Variants in PCDHGC3 observed in about 807,000 individuals in gnomAD.
PCDHGC3 encodes protocadherin gamma-C3.
PCDHGC3 carries 26 observed loss-of-function variants against 59.2 expected under a neutral mutation model. That is an observed-to-expected ratio of 0.44 (90% CI 0.32 to 0.61). PCDHGC3 has a LOEUF of 0.61. Ranked by LOEUF, PCDHGC3 falls within the 20% of genes least tolerant of loss-of-function variation. PCDHGC3 has a pLI of 0.05. For synonymous variants in PCDHGC3, 487 were observed against 519.7 expected, an observed-to-expected ratio of 0.94 and a Z score of 0.86; for missense variants, 1,080 against 1,221.8, an observed-to-expected ratio of 0.88 and a Z score of 1.73.
chr5:141,492,220 C>T (rs1388948434), intron 1 of PCDHGC3, among the ~76,000 whole-genome samples: 2 of 152,190 alleles, frequency 1.3e-5, no homozygotes, highest in Non-Finnish European at 1.5e-5. Context: ...GGGGCTCATG[C>T]GTGTCCTCCC....
At position 141,487,447 on chromosome 5, in the gene PCDHGC3, C is replaced by A. The variant is rs758411138; in HGVS notation, c.2431-7360C>A. 4.3e-6 allele frequency: 7 copies of A among 1,614,182 alleles called. No homozygotes were observed. The highest frequency in any genetic ancestry group is 5.9e-6 in the Non-Finnish European group (7 of 1,180,028). Reference sequence around the variant, plus strand: ...TCCGAATCCAGCTAGGGTCAGATGACCCTATCAAGTTTGTTGATGTGGGAG... The same window carrying A: ...TCCGAATCCAGCTAGGGTCAGATGAACCTATCAAGTTTGTTGATGTGGGAG... On this transcript the variant is annotated intron_variant, in intron 1 of 3. Coordinates refer to ENST00000308177, the MANE Select transcript of PCDHGC3 (RefSeq NM_002588.4). The surrounding 1 kb of genome is among the most constrained non-coding windows in gnomAD (Gnocchi z 5.0).
At chr5:141,494,937 G>A (rs759078748) in intron 2 of PCDHGC3, 72 bp downstream of exon 2, 130 of 1,612,276 alleles carry the variant, frequency 8.1e-5, no homozygotes, top group Non-Finnish European at 1.1e-4. Context: ...GAGGAGATGG[G>A]GGAGGGCCCA....
At chr5:141,505,202 T>C (rs778935321) in intron 2 of PCDHGC3, among the ~76,000 whole-genome samples, 191 bp from the exon 3 acceptor site, 3 of 152,012 alleles carry the variant, frequency 2.0e-5, no homozygotes, top group Non-Finnish European at 4.4e-5. Flanking sequence ...AAAGAGCTGG[T>C]TTGAGGGACT....
At chr5:141,492,168 A>C (rs1426223836) in intron 1 of PCDHGC3, among the ~76,000 whole-genome samples, 1 of 152,108 alleles carries the variant, frequency 6.6e-6, no homozygotes, top group African/African-American at 2.4e-5. Context: ...CTATCCCCGC[A>C]TCACCCAACC....
Position 141,485,757 on chromosome 5 carries a change from T to A in PCDHGC3, c.2430+7211T>A. The A allele has an allele frequency of 6.2e-7, 1 of 1,614,174 alleles. No homozygotes were observed. The highest frequency in any genetic ancestry group is 8.5e-7 in the Non-Finnish European group (1 of 1,180,028). The stretch of plus-strand genomic sequence containing the variant: ...GACGGCAGCCTGGTCCCAGAGCTGC[T>A]CCTGGAGAAGCCTTTGGATCGAGAG... On this transcript the variant is annotated intron_variant, in intron 1 of 3. Transcript: ENST00000308177. The surrounding 1 kb of genome is among the most constrained non-coding windows in gnomAD (Gnocchi z 5.7).
At chr5:141,483,737 G>A (rs1052778197) in intron 1 of PCDHGC3, among the ~76,000 whole-genome samples, 4 of 152,102 alleles carry the variant, frequency 2.6e-5, no homozygotes, top group South Asian at 2.1e-4. Context: ...TAGTCAAAAG[G>A]ATATTCCTGA....
chr5:141,480,457 G>GT (rs1309116577), intron 1 of PCDHGC3, among the ~76,000 whole-genome samples: 4 of 152,060 alleles, frequency 2.6e-5, no homozygotes, highest in Non-Finnish European at 5.9e-5. Flanking sequence ...ATTTTTATTA[G>GT]TTCCTCACTC....
rs535194185 is a variant in PCDHGC3, at chr5:141,485,480, A to C, written c.2430+6934A>C. 6.2e-7 allele frequency: 1 copy of C among 1,614,154 alleles called. No individual in the cohort carries two copies. The highest frequency in any genetic ancestry group is 1.7e-5 in the Admixed American group (1 of 60,020). On this transcript the variant is annotated intron_variant, in intron 1 of 3. Coordinates refer to ENST00000308177, the MANE Select transcript of PCDHGC3 (RefSeq NM_002588.4). This position sits in a 1 kb window ranked among gnomAD's most constrained non-coding sequence, Gnocchi z 5.7. The stretch of plus-strand genomic sequence containing the variant: ...ACTGTGTGGGCTCAGTGCCAGCTGC[A>C]TCGTGCCCCTGGAGTTTGTCACCGA...
chr5:141,501,419 C>A (rs910783867), intron 2 of PCDHGC3, among the ~76,000 whole-genome samples: 1 of 151,920 alleles, frequency 6.6e-6, no homozygotes, highest in Non-Finnish European at 1.5e-5. Flanking sequence ...AAATAGTTGA[C>A]TAAATGTAGT....
intron 1 of PCDHGC3, chr5:141,492,046 AC>A (rs955983612): frequency 2.0e-6 from 1 of 494,316 alleles, no homozygotes; most frequent in African/African-American, 2.0e-5. Context: ...TCACAGATCC[AC>A]CCCTGCAGCC....
chr5:141,494,674 C>A lies in PCDHGC3; in HGVS notation c.2431-133C>A, dbSNP rs532644387. ...ATTTTGTCTTTGGAGATGAGTCCAC[C>A]CCTGCCCCCTCTTAGTCCGTTTTCT... is the stretch of plus-strand genomic sequence containing the variant. On this transcript the variant is annotated intron_variant, in intron 1 of 3. Transcript: ENST00000308177. 3.4e-5 allele frequency: 53 copies of A among 1,545,802 alleles called. No homozygotes were observed. In the African/African-American group the frequency reaches 6.5e-4, roughly 19 times the overall value.
intron 1 of PCDHGC3, among the ~76,000 whole-genome samples, chr5:141,481,913 C>CAAAA (rs34114744): frequency 1.1e-5 from 1 of 90,846 alleles, no homozygotes; most frequent in African/African-American, 4.2e-5. Context: ...AACTCCATCT[C>CAAAA]AAAAAAAAAA....
Position 141,487,568 on chromosome 5 carries a change from C to G in PCDHGC3, c.2431-7239C>G, listed in dbSNP as rs752378906. The G allele has an allele frequency of 1.9e-6, 3 of 1,614,180 alleles. No homozygotes were observed. Among genetic ancestry groups the G allele is most frequent in the Non-Finnish European group, 2.5e-6 (3 of 1,180,042 alleles). ...ACCCAGTGCACCTATGGCAGGGGAG[C>G]CTGTTCGCCCAAGCTGCCCACCCTC... On this transcript the variant is annotated intron_variant, in intron 1 of 3. Transcript: ENST00000308177. This position sits in a 1 kb window ranked among gnomAD's most constrained non-coding sequence, Gnocchi z 5.0.
Position 141,477,447 on chromosome 5 carries a change from G to T in PCDHGC3, c.1331G>T (p.Arg444Leu), listed in dbSNP as rs779097830. The T allele has an allele frequency of 6.2e-7, 1 of 1,614,098 alleles. No homozygotes were observed. Among genetic ancestry groups the T allele is most frequent in the Non-Finnish European group, 8.5e-7 (1 of 1,180,016 alleles). The part of the protein sequence containing the change: ...TPSLSALTIV[R>L]VQVSDINDNP... ...TCCCTCTCAGCCCTTACAATAGTGCGTGTTCAAGTGTCCGACATCAATGAC... is the reference window on the plus strand; with the variant it reads ...TCCCTCTCAGCCCTTACAATAGTGCTTGTTCAAGTGTCCGACATCAATGAC... Residue 444 changes from arginine (R) to leucine (L), a missense_variant, in exon 1 of 4, where the codon CGT (arginine) becomes CTT (leucine). Physicochemically the swap from Arg to Leu is moderately radical, Grantham distance 102. Coordinates refer to ENST00000308177, the MANE Select transcript of PCDHGC3 (RefSeq NM_002588.4). This position sits in a 1 kb window ranked among gnomAD's most constrained non-coding sequence, Gnocchi z 4.9.
At position 141,489,870 on chromosome 5, in the gene PCDHGC3, G is replaced by T; in HGVS notation, c.2431-4937G>T. On this transcript the variant is annotated intron_variant, in intron 1 of 3. Transcript: ENST00000308177. The surrounding 1 kb of genome is among the most constrained non-coding windows in gnomAD (Gnocchi z 4.5). ...GTGAAGCCCAGGCAAGACATCAGCT[G>T]GTGCTTACTGCTGTGGATGGGGGGA... 1.2e-6 allele frequency: 2 copies of T among 1,614,220 alleles called. No individual in the cohort carries two copies. The highest frequency in any genetic ancestry group is 1.7e-6 in the Non-Finnish European group (2 of 1,180,024).
Position 141,477,310 on chromosome 5 carries a change from C to T in PCDHGC3, c.1194C>T (p.Ser398=). The change falls in exon 1 of 4, where the codon AGC becomes AGT. Residue 398 remains serine (S), a synonymous_variant. Coordinates refer to ENST00000308177, the MANE Select transcript of PCDHGC3 (RefSeq NM_002588.4). This position sits in a 1 kb window ranked among gnomAD's most constrained non-coding sequence, Gnocchi z 4.9. ...AAGTTCCACCGGGTCTCCCTTTCAGCCTTACTTCTTCCCTCAAGAATTACT... is the reference window on the plus strand; with the variant it reads ...AAGTTCCACCGGGTCTCCCTTTCAGTCTTACTTCTTCCCTCAAGAATTACT... ...TCEVPPGLPF[S]LTSSLKNYFT... The T allele has an allele frequency of 6.2e-7, 1 of 1,614,154 alleles. No homozygotes were observed. Among genetic ancestry groups the T allele is most frequent in the Non-Finnish European group, 8.5e-7 (1 of 1,180,018 alleles).
At chr5:141,483,242 C>T (rs2099578681) in intron 1 of PCDHGC3, among the ~76,000 whole-genome samples, 1 of 151,558 alleles carries the variant, frequency 6.6e-6, no homozygotes, top group African/African-American at 2.4e-5. Flanking sequence ...AACTGATATG[C>T]ATATATCATG....
Position 141,491,205 on chromosome 5 carries a change from A to G in PCDHGC3, c.2431-3602A>G, listed in dbSNP as rs2233609. 2,395 of 1,613,578 alleles carry G rather than the reference A, an allele frequency of 1.5e-3. 36 individuals are homozygous for G. The African/African-American group carries it at 0.028, about 19-fold the overall frequency. On this transcript the variant is annotated intron_variant, in intron 1 of 3. Coordinates refer to ENST00000308177, the MANE Select transcript of PCDHGC3 (RefSeq NM_002588.4). This position sits in a 1 kb window ranked among gnomAD's most constrained non-coding sequence, Gnocchi z 6.9. The stretch of plus-strand genomic sequence containing the variant: ...TGGTGAGGGACAATGGTGACCCTTC[A>G]CTCTCCTCCACAGCCACAGTGCTGC...
Position 141,485,618 on chromosome 5 carries a change from G to A in PCDHGC3, c.2430+7072G>A, listed in dbSNP as rs2099616729. 2.5e-6 allele frequency: 4 copies of A among 1,612,092 alleles called. No individual in the cohort carries two copies. Among genetic ancestry groups the A allele is most frequent in the Non-Finnish European group, 3.4e-6 (4 of 1,178,672 alleles). On this transcript the variant is annotated intron_variant, in intron 1 of 3. Coordinates refer to ENST00000308177, the MANE Select transcript of PCDHGC3 (RefSeq NM_002588.4). This position sits in a 1 kb window ranked among gnomAD's most constrained non-coding sequence, Gnocchi z 5.7. The stretch of plus-strand genomic sequence containing the variant: ...GGAAATTGGGGAGGCAGCTCCTCCA[G>A]GACAGCGTTTCCCGTTGGAAAAGGC...
Sources: gnomAD v4.1 joint callset for allele counts (sites outside exome capture counted in the v4.1 genomes callset) on GRCh38, gnomAD v4.1.1 for gene constraint, Gnocchi (gnomAD v3.1) non-coding constraint, MANE v1.5 for transcripts, NCBI Gene and HGNC (gene_info 2026-07-23, HGNC 2026-07-21) for gene names.